KIAA0586: variants seen among roughly 807,000 people sequenced by gnomAD.
The protein encoded by KIAA0586 is protein TALPID3.
A neutral mutation model predicts 169.8 loss-of-function variants in KIAA0586; 144 were observed. That is an observed-to-expected ratio of 0.85 (90% CI 0.74 to 0.97). The LOEUF (loss-of-function observed/expected upper bound fraction) is 0.97, where lower values mean the gene tolerates loss of function less well. KIAA0586 is among the 50% of genes least tolerant of loss of function. KIAA0586 has a pLI of 0.00. For missense variants in KIAA0586, 1,854 were observed against 1,823.0 expected, an observed-to-expected ratio of 1.02 and a Z score of -0.31; for synonymous variants, 625 against 612.4, an observed-to-expected ratio of 1.02 and a Z score of -0.30.
chr14:58,458,439 C>A (rs1424371788), intron 11 of KIAA0586, 34 bp from the exon 12 acceptor site: 2 of 1,221,930 alleles, frequency 1.6e-6, no homozygotes, highest in Non-Finnish European at 2.3e-6. Flanking sequence ...ACAGTAAGTG[C>A]TAATTTAAGA....
At chr14:58,481,371 AAGTG>A (rs1453342908) in intron 20 of KIAA0586, among the ~76,000 whole-genome samples, 1 of 152,246 alleles carries the variant, frequency 6.6e-6, no homozygotes, top group Non-Finnish European at 1.5e-5. Context: ...ACATTCATGT[AAGTG>A]AGAAGTACAA....
chr14:58,521,087 A>G (rs1328745308), intron 29 of KIAA0586: 1 of 431,854 alleles, frequency 2.3e-6, no homozygotes, highest in African/African-American at 2.0e-5. Flanking sequence ...GACCTTGAGC[A>G]GCAGTTGGCT....
rs772147824 is a variant in KIAA0586 at position 58,428,330 on chromosome 14, T to C, written c.66T>C (p.Arg22=). Residue 22 remains arginine, a synonymous_variant, in exon 1 of 31, where the codon CGT becomes CGC. Coordinates refer to ENST00000652326, the MANE Select transcript of KIAA0586 (RefSeq NM_001329943.3). The stretch of plus-strand genomic sequence containing the variant: ...TTAAGATGCCAGTGAAGAGACTTCG[T>C]GAGGTAGTTTCTCAAAATCATGGAG... ...KKIKMPVKRL[R]EVVSQNHGDH... is the part of the protein sequence containing the mutation. 6.2e-7 allele frequency: 1 copy of C among 1,613,878 alleles called. No individual in the cohort carries two copies. The highest frequency in any genetic ancestry group is 2.2e-5 in the East Asian group (1 of 44,886).
chr14:58,546,991 T>G (rs2047022257), intron 30 of KIAA0586, among the ~76,000 whole-genome samples: 1 of 152,180 alleles, frequency 6.6e-6, no homozygotes, highest in Admixed American at 6.5e-5. Flanking sequence ...CTTATATCAC[T>G]TCTGTTGGCT....
chr14:58,495,090 A>G (rs968970338), intron 26 of KIAA0586, among the ~76,000 whole-genome samples: 3 of 151,840 alleles, frequency 2.0e-5, no homozygotes, highest in Non-Finnish European at 2.9e-5. Context: ...CTCAGAATCT[A>G]TGGGTTCTTT....
chr14:58,498,917 A>G lies in KIAA0586; in HGVS notation c.4125A>G (p.Gln1375=), dbSNP rs148016417. 3.2e-4 allele frequency: 523 copies of G among 1,610,464 alleles called. 3 individuals are homozygous for G. In the African/African-American group the frequency reaches 5.0e-3, roughly 16 times the overall value. Residue 1375 remains glutamine (Q), a synonymous_variant, in exon 27 of 31, where the codon CAA becomes CAG. Transcript: ENST00000652326. ...PVTNTQSLDQ[Q]CDPKPLSRQF... ...CTAATACACAGTCTTTGGATCAACA[A>G]TGTGATCCTAAACCATTATCTCGGC...
At chr14:58,498,647 A>G (rs2043333155) in intron 26 of KIAA0586, 136 bp from the exon 27 acceptor site, 1 of 605,514 alleles carries the variant, frequency 1.7e-6, no homozygotes, top group Middle Eastern at 3.2e-4. Flanking sequence ...CATGTAATGT[A>G]TATGTGGCAT....
chr14:58,458,922 G>C (rs2040096815), intron 12 of KIAA0586, among the ~76,000 whole-genome samples: 1 of 152,120 alleles, frequency 6.6e-6, no homozygotes, highest in South Asian at 2.1e-4. Context: ...AAAAACCAAC[G>C]AGATTTACTA....
intron 4 of KIAA0586, among the ~76,000 whole-genome samples, chr14:58,436,182 A>G (rs1199884535): frequency 6.6e-6 from 1 of 152,204 alleles, no homozygotes; most frequent in African/African-American, 2.4e-5. Context: ...GGATATTGAA[A>G]AAGAGGAGGC....
chr14:58,442,216 T>G (rs950477947), intron 4 of KIAA0586, among the ~76,000 whole-genome samples: 3 of 151,930 alleles, frequency 2.0e-5, no homozygotes, highest in Admixed American at 2.0e-4. Flanking sequence ...TTCTAGTAAT[T>G]CTCCTGCCTC....
chr14:58,474,966 A>T (rs2041494982), intron 19 of KIAA0586, among the ~76,000 whole-genome samples, 169 bp downstream of exon 19: 1 of 152,116 alleles, frequency 6.6e-6, no homozygotes, highest in South Asian at 2.1e-4. Context: ...CTATTGTTGG[A>T]GGTTATTGTT....
chr14:58,469,165 A>G (rs1370266073), intron 16 of KIAA0586, among the ~76,000 whole-genome samples: 1 of 152,224 alleles, frequency 6.6e-6, no homozygotes, highest in Non-Finnish European at 1.5e-5. Flanking sequence ...ATGTAGCTCC[A>G]CAAACACTTC....
intron 6 of KIAA0586, among the ~76,000 whole-genome samples, chr14:58,447,337 C>T (rs2038977923): frequency 1.3e-5 from 2 of 151,916 alleles, no homozygotes; most frequent in Admixed American, 6.6e-5. Context: ...TCATGTGCTC[C>T]ATAAATATAT....
rs567618085 is a variant in KIAA0586 at position 58,467,036 on chromosome 14, A to C, written c.2255-699A>C. On this transcript the variant is annotated intron_variant, in intron 15 of 30. Coordinates refer to ENST00000652326, the MANE Select transcript of KIAA0586 (RefSeq NM_001329943.3). ...GTGTCATTGCTGTTCTTTTGTTTTG[A>C]TTAACAATTTAAGTATGAATATTTT... 3.3e-5 allele frequency among the ~76,000 whole-genome samples: 5 copies of C among 151,976 alleles called. No homozygotes were observed. The South Asian group carries it at 1.0e-3, about 32-fold the overall frequency.
chr14:58,544,953 C>T (rs73295840), intron 30 of KIAA0586, among the ~76,000 whole-genome samples: 17,039 of 152,250 alleles, frequency 0.11, 1,287 homozygotes, highest in African/African-American at 0.2. Context: ...TGCCTTCCCA[C>T]CATCTTTTCA....
intron 28 of KIAA0586, among the ~76,000 whole-genome samples, chr14:58,511,526 G>T (rs1201307665): frequency 2.0e-5 from 3 of 152,136 alleles, no homozygotes; most frequent in Non-Finnish European, 4.4e-5. Flanking sequence ...TATTCGCTGT[G>T]AGTAAGTAAG....
chr14:58,497,363 CTTT>C (rs768776477), intron 26 of KIAA0586, among the ~76,000 whole-genome samples: 1 of 141,784 alleles, frequency 7.1e-6, no homozygotes, highest in Non-Finnish European at 1.6e-5. Flanking sequence ...AATCTGTATA[CTTT>C]TTTTTTTTTT....
At chr14:58,500,561 C>T (rs953114771) in intron 27 of KIAA0586, among the ~76,000 whole-genome samples, 3 of 151,846 alleles carry the variant, frequency 2.0e-5, no homozygotes, top group African/African-American at 4.8e-5. Flanking sequence ...AAAAATTAGC[C>T]GGGCATAGTG....
Position 58,492,138 on chromosome 14 carries a change from T to C in KIAA0586, c.3859-6T>C, listed in dbSNP as rs1208740780. 6.6e-7 allele frequency: 1 copy of C among 1,512,116 alleles called. No homozygotes were observed. The highest frequency in any genetic ancestry group is 1.3e-5 in the South Asian group (1 of 77,044). 93.7% of individuals were successfully genotyped at this position (1,512,116 alleles called of 1,614,324 possible). On this transcript the variant is annotated splice_polypyrimidine_tract_variant and splice_region_variant and intron_variant, in intron 25 of 30. Coordinates refer to ENST00000652326, the MANE Select transcript of KIAA0586 (RefSeq NM_001329943.3). Reference sequence around the variant, plus strand: ...TTTTTATTAATTGTCTTTATGTTTCTTTTAGGAGGATGATCCTCCTAGTGA... The same window carrying C: ...TTTTTATTAATTGTCTTTATGTTTCCTTTAGGAGGATGATCCTCCTAGTGA...
Sources: allele counts gnomAD v4.1 joint callset (sites outside exome capture counted in the v4.1 genomes callset), GRCh38; gene constraint gnomAD v4.1.1; transcripts MANE v1.5; gene names NCBI Gene and HGNC (gene_info 2026-07-23, HGNC 2026-07-21).